PRCC: variants seen among roughly 807,000 people sequenced by gnomAD.
PRCC encodes the protein proline rich mitotic checkpoint control factor, also known as proline-rich protein PRCC.
Under a neutral mutation model 44.0 loss-of-function variants are expected in PRCC, and 10 were observed. That is an observed-to-expected ratio of 0.23 (90% CI 0.14 to 0.39). The LOEUF (loss-of-function observed/expected upper bound fraction) is 0.39, where lower values mean the gene tolerates loss of function less well. PRCC is among the 10% of genes least tolerant of loss of function. The pLI is 1.00. For missense variants in PRCC, 573 were observed against 624.7 expected (o/e 0.92, Z 0.88); for synonymous variants, 278 against 259.5 (o/e 1.07, Z -0.69).
At chr1:156,780,776 C>T (rs1243756260) in intron 1 of PRCC, among the ~76,000 whole-genome samples, 3 of 151,938 alleles carry the variant, frequency 2.0e-5, no homozygotes, top group Non-Finnish European at 2.9e-5. Context: ...CTCTGTCACC[C>T]AGACTGGATT....
intron 2 of PRCC, among the ~76,000 whole-genome samples, chr1:156,784,095 C>T (rs1372339426): frequency 1.3e-5 from 2 of 152,050 alleles, no homozygotes; most frequent in Middle Eastern, 3.4e-3. Context: ...TACAGGCACC[C>T]GCCACCACAC....
intron 1 of PRCC, among the ~76,000 whole-genome samples, chr1:156,779,360 AATTATT>A (rs939189951): frequency 2.0e-5 from 3 of 148,838 alleles, no homozygotes; most frequent in Non-Finnish European, 4.5e-5. Context: ...GTATTATTTT[AATTATT>A]ATTATTATCA....
intron 1 of PRCC, among the ~76,000 whole-genome samples, chr1:156,780,650 A>G (rs956717389): frequency 6.6e-6 from 1 of 151,750 alleles, no homozygotes; most frequent in African/African-American, 2.4e-5. Context: ...AGGCACCTCT[A>G]TATGGTTTTC....
At chr1:156,796,388 A>G (rs1482432284) in intron 5 of PRCC, 1 of 152,242 alleles carries the variant, frequency 6.6e-6, no homozygotes, top group African/African-American at 2.4e-5. Context: ...ATAGTTGGGA[A>G]GAAGAGATTT....
At chr1:156,797,619 G>A (rs933722521) in intron 6 of PRCC, among the ~76,000 whole-genome samples, 2 of 152,168 alleles carry the variant, frequency 1.3e-5, no homozygotes, top group Admixed American at 1.3e-4. Flanking sequence ...TGTAAGAGGA[G>A]AGTGAAATGG....
chr1:156,792,293 C>T (rs1652515979), intron 4 of PRCC, among the ~76,000 whole-genome samples: 1 of 151,964 alleles, frequency 6.6e-6, no homozygotes, highest in African/African-American at 2.4e-5. Flanking sequence ...ATCACATTGG[C>T]ATTGGAGATG....
chr1:156,783,764 CATAAAA>C (rs898063654), intron 2 of PRCC, among the ~76,000 whole-genome samples: 1 of 151,302 alleles, frequency 6.6e-6, no homozygotes, highest in African/African-American at 2.4e-5. Flanking sequence ...TAAAAAAATA[CATAAAA>C]ATAAAATAAA....
intron 5 of PRCC, among the ~76,000 whole-genome samples, chr1:156,795,635 G>A (rs1041814112): frequency 4.6e-5 from 7 of 152,238 alleles, no homozygotes; most frequent in African/African-American, 1.4e-4. Context: ...ACATTTTTGA[G>A]GTGTGGGCAC....
intron 3 of PRCC, among the ~76,000 whole-genome samples, chr1:156,787,446 GATTGATATATATATATATATAT>G (rs1382537383): frequency 0.019 from 2,097 of 111,760 alleles, 61 homozygotes; most frequent in South Asian, 0.024. Flanking sequence ...ACATATTTGT[GATTGATATATATATATATATAT>G]ATATATATAT....
intron 3 of PRCC, among the ~76,000 whole-genome samples, chr1:156,788,465 T>C (rs945171987): frequency 6.6e-6 from 1 of 152,200 alleles, no homozygotes; most frequent in African/African-American, 2.4e-5. Context: ...TGAACATGTG[T>C]GCATGTGTCT....
chr1:156,791,476 C>G (rs1231683017), intron 3 of PRCC: 4 of 567,416 alleles, frequency 7.0e-6, no homozygotes, highest in African/African-American at 5.6e-5. Flanking sequence ...AAATATCCAT[C>G]TGTCTGGATA....
chr1:156,779,128 A>ATTTT (rs869088692), intron 1 of PRCC, among the ~76,000 whole-genome samples: 6 of 35,882 alleles, frequency 1.7e-4, no homozygotes, highest in East Asian at 1.1e-3. Context: ...ATATATATAT[A>ATTTT]TTTTTTTTTT....
At chr1:156,781,940 T>G (rs931325655) in intron 1 of PRCC, among the ~76,000 whole-genome samples, 20 of 152,330 alleles carry the variant, frequency 1.3e-4, no homozygotes, top group African/African-American at 4.8e-4. Flanking sequence ...GGAAGAAGAA[T>G]GGGTATAGCT....
At chr1:156,782,158 T>C (rs1326097016) in intron 1 of PRCC, 124 bp from the exon 2 acceptor site, 1 of 781,696 alleles carries the variant, frequency 1.3e-6, no homozygotes, top group Non-Finnish European at 2.1e-6. Context: ...AGTGTACCTC[T>C]GTACAGAGGT....
chr1:156,770,876 T>C (rs183782562), intron 1 of PRCC, among the ~76,000 whole-genome samples: 1 of 152,366 alleles, frequency 6.6e-6, no homozygotes, highest in Non-Finnish European at 1.5e-5. Context: ...TCAATTGATA[T>C]TGAGCTCTTT....
chr1:156,768,566 A>C (rs925865501), intron 1 of PRCC, among the ~76,000 whole-genome samples: 2 of 151,888 alleles, frequency 1.3e-5, no homozygotes, highest in South Asian at 4.2e-4. Context: ...CTTTCCTCCT[A>C]CTGAGAACAG....
chr1:156,775,303 G>A (rs1571574743), intron 1 of PRCC, among the ~76,000 whole-genome samples: 2 of 151,772 alleles, frequency 1.3e-5, no homozygotes, highest in South Asian at 4.2e-4. Flanking sequence ...ATCTGGGCTG[G>A]CCTCAGACCC....
At chr1:156,779,129 T>TATATATATATATATATA (rs1491456608) in intron 1 of PRCC, among the ~76,000 whole-genome samples, 13 of 16,338 alleles carry the variant, frequency 8.0e-4, no homozygotes, top group African/African-American at 1.7e-3. Flanking sequence ...TATATATATA[T>TATATATATATATATATA]TTTTTTTTTT....
At chr1:156,768,451 GCCT>G (rs1251049009) in intron 1 of PRCC, among the ~76,000 whole-genome samples, 1 of 152,228 alleles carries the variant, frequency 6.6e-6, no homozygotes, top group Non-Finnish European at 1.5e-5. Flanking sequence ...AGCTGGGCTT[GCCT>G]GCAGAAGGCC....
Sources: gnomAD v4.1 joint callset for allele counts (sites outside exome capture counted in the v4.1 genomes callset) on GRCh38, gnomAD v4.1.1 for gene constraint, MANE v1.5 for transcripts, NCBI Gene and HGNC (gene_info 2026-07-23, HGNC 2026-07-21) for gene names.